The following SH3BGRL variants were observed in gnomAD, a reference collection of about 807,000 sequenced individuals.
SH3BGRL encodes SH3 domain binding glutamate rich protein like, also known as adapter SH3BGRL.
Under a neutral mutation model 9.8 loss-of-function variants are expected in SH3BGRL, and 7 were observed. That is an observed-to-expected ratio of 0.72 (90% CI 0.41 to 1.35). The LOEUF is 1.35. Ranked by LOEUF, SH3BGRL falls within the 40% of genes most tolerant of loss-of-function variation. The pLI, the probability that SH3BGRL is intolerant of heterozygous loss-of-function variation, is 0.01. For synonymous variants in SH3BGRL, 36 were observed against 29.1 expected, an observed-to-expected ratio of 1.24 and a Z score of -0.76; for missense variants, 73 against 84.4, an observed-to-expected ratio of 0.86 and a Z score of 0.53.
intron 3 of SH3BGRL, among the ~76,000 whole-genome samples, chrX:81,295,070 C>T (rs1174375839): frequency 8.9e-6 from 1 of 111,783 alleles, no homozygotes; most frequent in Non-Finnish European, 1.9e-5. Context: ...GGCTCATAGG[C>T]GGAAGGGACT....
chrX:81,278,946 T>C (rs906783614), intron 3 of SH3BGRL, among the ~76,000 whole-genome samples: 4 of 112,403 alleles, frequency 3.6e-5, no homozygotes, highest in Non-Finnish European at 5.6e-5. Context: ...AGAGACCAAA[T>C]AAAGAAAGCA....
rs762835108 is a variant in SH3BGRL, at chrX:81,218,667, G to GTA, written c.45+16437_45+16438dup. On this transcript the variant is annotated intron_variant, in intron 1 of 3. Transcript: ENST00000373212. ...TATATCTATATCTATATATCTGTAT[G>GTA]TATATATATATATATACAGATATAT... Among the ~76,000 whole-genome samples, 496 of 98,772 alleles carry GTA rather than the reference G, an allele frequency of 5.0e-3. 2 individuals are homozygous for GTA. Among genetic ancestry groups the GTA allele is most frequent in the Middle Eastern group, 0.016 (3 of 185 alleles). The allele number at this position is 98,772 out of a possible 115,157, so 85.8% of individuals were successfully genotyped here.
intron 1 of SH3BGRL, among the ~76,000 whole-genome samples, chrX:81,276,573 T>C (rs2075798811): frequency 9.0e-6 from 1 of 111,200 alleles, no homozygotes; most frequent in Non-Finnish European, 1.9e-5. Context: ...ATACAATTCT[T>C]GTTAAGATGG....
At chrX:81,289,245 C>T (rs896851680) in intron 3 of SH3BGRL, among the ~76,000 whole-genome samples, 1 of 111,640 alleles carries the variant, frequency 9.0e-6, no homozygotes, top group Non-Finnish European at 1.9e-5. Context: ...GAAACTTGAC[C>T]CCTATCTCTT....
At chrX:81,209,496 CAT>C (rs1699843032) in intron 1 of SH3BGRL, among the ~76,000 whole-genome samples, 1 of 111,360 alleles carries the variant, frequency 9.0e-6, no homozygotes, top group Admixed American at 9.6e-5. Context: ...GATCCAGAAA[CAT>C]AGGTACATTG....
Position 81,297,188 on chromosome X carries a change from A to G in SH3BGRL, c.313-7A>G, listed in dbSNP as rs781461504. On this transcript the variant is annotated splice_polypyrimidine_tract_variant and splice_region_variant and intron_variant, in intron 3 of 3. Coordinates refer to ENST00000373212, the MANE Select transcript of SH3BGRL (RefSeq NM_003022.3). ...AACTTATCTGTTTTGTTTGTTTTTC[A>G]TTTCAGGAAGCAGAAGTGCAAGCAA... 5.0e-6 allele frequency: 6 copies of G among 1,206,474 alleles called. No individual in the cohort carries two copies. The South Asian group carries it at 1.1e-4, about 21-fold the overall frequency.
At chrX:81,238,798 G>C (rs780108740) in intron 1 of SH3BGRL, among the ~76,000 whole-genome samples, 5 of 107,795 alleles carry the variant, frequency 4.6e-5, no homozygotes, top group East Asian at 3.0e-4. Flanking sequence ...AGAACAGAGA[G>C]AGAGAGAGAG....
chrX:81,215,037 T>G (rs1477668025), intron 1 of SH3BGRL, among the ~76,000 whole-genome samples: 1 of 110,963 alleles, frequency 9.0e-6, no homozygotes, highest in Non-Finnish European at 1.9e-5. Context: ...TCCTTTAAGA[T>G]TTCTGGGCTG....
At chrX:81,246,096 G>A (rs1253516960) in intron 1 of SH3BGRL, among the ~76,000 whole-genome samples, 1 of 111,110 alleles carries the variant, frequency 9.0e-6, no homozygotes, top group Admixed American at 9.6e-5. Context: ...TATGTGTATT[G>A]GCCGTTTGTA....
Position 81,298,424 on chromosome X carries a change from A to T in SH3BGRL, c.*1197A>T, listed in dbSNP as rs1315890987. On this transcript the variant is annotated 3_prime_UTR_variant, in exon 4 of 4. Coordinates refer to ENST00000373212, the MANE Select transcript of SH3BGRL (RefSeq NM_003022.3). ...TACTTTAAACTACATTATCATGTATATCTATTGTATGCTGGTCTTTACTTT... is the reference window on the plus strand; with the variant it reads ...TACTTTAAACTACATTATCATGTATTTCTATTGTATGCTGGTCTTTACTTT... The T allele has an allele frequency of 9.0e-6, 1 of 111,573 alleles. No homozygotes were observed. Among genetic ancestry groups the T allele is most frequent in the Non-Finnish European group, 1.9e-5 (1 of 52,825 alleles). 9.2% of individuals were successfully genotyped at this position (111,573 alleles called of 1,213,427 possible).
intron 1 of SH3BGRL, among the ~76,000 whole-genome samples, chrX:81,225,733 A>G (rs2075614788): frequency 9.0e-6 from 1 of 111,458 alleles, no homozygotes; most frequent in Admixed American, 9.5e-5. Context: ...ATTTTATATA[A>G]TTAAGACTAA....
At chrX:81,250,494 G>A (rs73634735) in intron 1 of SH3BGRL, among the ~76,000 whole-genome samples, 4 of 111,312 alleles carry the variant, frequency 3.6e-5, no homozygotes, top group Admixed American at 2.8e-4. Flanking sequence ...CTGGTCTCAC[G>A]CATAATACTT....
chrX:81,224,878 C>CT (rs995585996), intron 1 of SH3BGRL, among the ~76,000 whole-genome samples: 14 of 107,163 alleles, frequency 1.3e-4, no homozygotes, highest in African/African-American at 3.7e-4. Flanking sequence ...GTTGGGAACA[C>CT]TTTTTTTTTT....
intron 1 of SH3BGRL, among the ~76,000 whole-genome samples, chrX:81,206,039 C>T (rs1478174498): frequency 1.8e-5 from 2 of 111,335 alleles, no homozygotes; most frequent in Non-Finnish European, 3.8e-5. Flanking sequence ...AATCATTTGC[C>T]ATTTAAAAAA....
chrX:81,292,961 A>G (rs1420134671), intron 3 of SH3BGRL, among the ~76,000 whole-genome samples: 1 of 112,187 alleles, frequency 8.9e-6, no homozygotes, highest in African/African-American at 3.2e-5. Context: ...ATGTTTTAAG[A>G]AAGTTTATGA....
At chrX:81,272,024 C>T (rs2075781617) in intron 1 of SH3BGRL, among the ~76,000 whole-genome samples, 1 of 108,641 alleles carries the variant, frequency 9.2e-6, no homozygotes, top group African/African-American at 3.4e-5. Context: ...GAAACCCTGT[C>T]TCTACTAAAA....
chrX:81,246,575 T>C (rs1015735309), intron 1 of SH3BGRL, among the ~76,000 whole-genome samples: 4 of 111,709 alleles, frequency 3.6e-5, no homozygotes, highest in African/African-American at 1.3e-4. Flanking sequence ...TTCTTTCCAA[T>C]TGTTTATTTT....
chrX:81,252,619 T>TA (rs1037728972), intron 1 of SH3BGRL, among the ~76,000 whole-genome samples: 1 of 110,517 alleles, frequency 9.0e-6, no homozygotes, highest in Non-Finnish European at 1.9e-5. Flanking sequence ...TCTGATGAGC[T>TA]AAAAAAAAAT....
At chrX:81,246,364 T>C (rs1465225344) in intron 1 of SH3BGRL, among the ~76,000 whole-genome samples, 1 of 111,840 alleles carries the variant, frequency 8.9e-6, no homozygotes, top group Non-Finnish European at 1.9e-5. Flanking sequence ...TTTGATTACT[T>C]AGTCATAAAT....
Sources: allele counts gnomAD v4.1 joint callset (sites outside exome capture counted in the v4.1 genomes callset), GRCh38; gene constraint gnomAD v4.1.1; transcripts MANE v1.5; gene names NCBI Gene and HGNC (gene_info 2026-07-23, HGNC 2026-07-21).